Variants in CLMN observed in about 807,000 individuals in gnomAD.
CLMN encodes calmin, also known as calmin (calponin-like, transmembrane).
In CLMN, 57 loss-of-function variants were observed where a neutral mutation model predicts 92.7. The observed-to-expected ratio is 0.61, with a 90% CI of 0.50 to 0.77. CLMN has a LOEUF of 0.77. Ranked by LOEUF, CLMN falls within the 30% of genes least tolerant of loss-of-function variation. The pLI is 0.00. For synonymous variants in CLMN, 466 were observed against 470.6 expected (o/e 0.99, Z 0.13); for missense variants, 1,158 against 1,237.5 (o/e 0.94, Z 0.96).
chr14:95,196,734 G>A (rs375899852), intron 9 of CLMN, 40 bp from the exon 10 acceptor site: 31 of 1,586,692 alleles, frequency 2.0e-5, no homozygotes, highest in African/African-American at 1.9e-4. Flanking sequence ...AGTATGTCAC[G>A]CTGCAGTGTA....
intron 1 of CLMN, among the ~76,000 whole-genome samples, chr14:95,263,533 G>C (rs774559298): frequency 2.6e-5 from 4 of 152,172 alleles, no homozygotes; most frequent in African/African-American, 9.7e-5. Flanking sequence ...AAAGGGTTCC[G>C]GTGTGACCCA....
intron 1 of CLMN, among the ~76,000 whole-genome samples, chr14:95,234,588 A>G (rs1352214357): frequency 6.6e-6 from 1 of 152,194 alleles, no homozygotes; most frequent in Non-Finnish European, 1.5e-5. Flanking sequence ...GTGCTGTAAA[A>G]TCGCCATCCC....
chr14:95,201,368 C>G (rs1367676960), intron 9 of CLMN, among the ~76,000 whole-genome samples: 1 of 151,584 alleles, frequency 6.6e-6, no homozygotes, highest in Non-Finnish European at 1.5e-5. Flanking sequence ...CCCTCCCCAC[C>G]CCTCTCAAAG....
Position 95,203,278 on chromosome 14 carries a change from G to A in CLMN, c.2071C>T (p.Pro691Ser). 3 of 1,613,980 alleles carry A rather than the reference G, an allele frequency of 1.9e-6. No individual in the cohort carries two copies. In the South Asian group the frequency reaches 3.3e-5, roughly 18 times the overall value. ...GTCTCCAAGCTGACACAGCTGCTTG[G>A]GGGGCTGGAAGATAATTCCTCGCCC... ...GVGEELSSSPPSSCVSLETLG... is the reference protein window; with the variant it reads ...GVGEELSSSPSSSCVSLETLG... The change falls in exon 9 of 13, where the codon CCA becomes TCA. Residue 691 changes from proline (P) to serine (S), a missense_variant. Pro to Ser is a moderately conservative substitution (Grantham distance 74, BLOSUM62 -1). Coordinates refer to ENST00000298912, the MANE Select transcript of CLMN (RefSeq NM_024734.4).
At chr14:95,261,074 G>A (rs975299561) in intron 1 of CLMN, among the ~76,000 whole-genome samples, 2 of 151,746 alleles carry the variant, frequency 1.3e-5, no homozygotes, top group Admixed American at 6.6e-5. Context: ...ATCCCTGAAC[G>A]AAGCTTACTG....
chr14:95,215,949 T>C (rs1405877709), intron 4 of CLMN, among the ~76,000 whole-genome samples: 1 of 152,122 alleles, frequency 6.6e-6, no homozygotes, highest in Non-Finnish European at 1.5e-5. Context: ...TACACAGCAC[T>C]TACCATATGC....
intron 8 of CLMN, 52 bp from the exon 9 acceptor site, chr14:95,204,515 CA>C (rs756084645): frequency 4.8e-5 from 69 of 1,441,970 alleles, no homozygotes; most frequent in Middle Eastern, 1.9e-4. Context: ...AGAACAACAA[CA>C]AAAAAAAGCA....
chr14:95,208,140 CT>C (rs58841043), intron 8 of CLMN, among the ~76,000 whole-genome samples: 40,371 of 151,940 alleles, frequency 0.27, 6,740 homozygotes, highest in African/African-American at 0.46. Flanking sequence ...TTATGCTTTC[CT>C]TTTTTTCTGT....
rs1007075653 is a variant in CLMN at position 95,220,093 on chromosome 14, T to G, written c.324+1598A>C. On this transcript the variant is annotated intron_variant, in intron 4 of 12. Coordinates refer to ENST00000298912, the MANE Select transcript of CLMN (RefSeq NM_024734.4). ...TGCGTCTGGCTTCTCTCACTTAGCATGTTGTCAAGGTTCATCCATTATCAG... is the reference window on the plus strand; with the variant it reads ...TGCGTCTGGCTTCTCTCACTTAGCAGGTTGTCAAGGTTCATCCATTATCAG... Among the ~76,000 whole-genome samples the G allele has an allele frequency of 3.3e-5, 5 of 151,782 alleles. 1 individual carries two copies. The highest frequency in any genetic ancestry group is 9.7e-5 in the African/African-American group (4 of 41,332).
rs374608600 is a variant in CLMN at position 95,189,118 on chromosome 14, A to G, written c.*2446T>C. The G allele has an allele frequency of 3.3e-5, 5 of 152,294 alleles. No homozygotes were observed. The South Asian group carries it at 8.3e-4, about 25-fold the overall frequency. 9.4% of individuals were successfully genotyped at this position (152,294 alleles called of 1,614,324 possible). On this transcript the variant is annotated 3_prime_UTR_variant, in exon 13 of 13. Coordinates refer to ENST00000298912, the MANE Select transcript of CLMN (RefSeq NM_024734.4). ...AGTGCTCCAGGTAATGTCAACACCT[A>G]ATAGAAATGTACTAAATGATGTGAT...
chr14:95,264,008 CTTT>C (rs1899365739), intron 1 of CLMN, among the ~76,000 whole-genome samples: 4 of 143,760 alleles, frequency 2.8e-5, no homozygotes, highest in Non-Finnish European at 6.1e-5. Context: ...CACCTTATTA[CTTT>C]ATTTATTTAT....
intron 10 of CLMN, among the ~76,000 whole-genome samples, chr14:95,195,398 C>T (rs1350337783): frequency 6.6e-6 from 1 of 152,204 alleles, no homozygotes; most frequent in African/African-American, 2.4e-5. Flanking sequence ...TTCTGTTGTG[C>T]CTTGGCCCTC....
chr14:95,200,219 G>C (rs1050756398), intron 9 of CLMN, among the ~76,000 whole-genome samples: 12 of 152,086 alleles, frequency 7.9e-5, no homozygotes, highest in African/African-American at 2.9e-4. Context: ...CAGCCTTTCT[G>C]GATCTGGGTG....
intron 4 of CLMN, among the ~76,000 whole-genome samples, chr14:95,216,473 G>A (rs1358349902): frequency 6.6e-6 from 1 of 152,196 alleles, no homozygotes; most frequent in Non-Finnish European, 1.5e-5. Flanking sequence ...CACATAGCTG[G>A]TAAGGCTTCA....
rs547070124 is a variant in CLMN at position 95,269,336 on chromosome 14, ATATCTT to A, written c.83-39209_83-39204del. Among the ~76,000 whole-genome samples, 253 of 152,314 alleles carry A rather than the reference ATATCTT, an allele frequency of 1.7e-3. 1 individual carries two copies. The highest frequency in any genetic ancestry group is 2.7e-3 in the Non-Finnish European group (185 of 68,020). ...AATGTATTAAACAATTACATGTAAA[ATATCTT>A]TATGTATTTTCACATTTCTATCTTT... On this transcript the variant is annotated intron_variant, in intron 1 of 12. Transcript: ENST00000298912.
intron 1 of CLMN, among the ~76,000 whole-genome samples, chr14:95,231,540 C>A (rs112339625): frequency 5.9e-5 from 9 of 152,156 alleles, no homozygotes; most frequent in African/African-American, 2.2e-4. Context: ...CCCCTCAGCA[C>A]CCTGTCCATG....
At chr14:95,300,233 C>G (rs536634363) in intron 1 of CLMN, among the ~76,000 whole-genome samples, 1 of 152,182 alleles carries the variant, frequency 6.6e-6, no homozygotes, top group Non-Finnish European at 1.5e-5. Context: ...ACACCCAGTG[C>G]GGGAGTCACC....
intron 5 of CLMN, among the ~76,000 whole-genome samples, chr14:95,215,315 T>C (rs940309792): frequency 6.6e-6 from 1 of 152,226 alleles, no homozygotes; most frequent in Non-Finnish European, 1.5e-5. Flanking sequence ...GGAAAGTAAC[T>C]CTACCAAGTT....
At chr14:95,286,436 T>C (rs993487529) in intron 1 of CLMN, among the ~76,000 whole-genome samples, 10 of 152,188 alleles carry the variant, frequency 6.6e-5, no homozygotes, top group Non-Finnish European at 1.2e-4. Flanking sequence ...AGTAAATCCA[T>C]AGAGACAGAA....
Sources: allele counts gnomAD v4.1 joint callset (sites outside exome capture counted in the v4.1 genomes callset), GRCh38; gene constraint gnomAD v4.1.1; transcripts MANE v1.5; gene names NCBI Gene and HGNC (gene_info 2026-07-23, HGNC 2026-07-21).